RXFP1: variants seen among roughly 807,000 people sequenced by gnomAD.
RXFP1 encodes the protein relaxin family peptide receptor 1, also known as relaxin receptor 1.
RXFP1 carries 73 observed loss-of-function variants against 89.8 expected under a neutral mutation model. The observed-to-expected ratio is 0.81, with a 90% confidence interval of 0.67 to 0.99. The LOEUF is 0.99. Among genes scored for constraint, RXFP1 ranks in the 50% least tolerant of loss-of-function variants. The pLI, the probability that RXFP1 is intolerant of heterozygous loss-of-function variation, is 0.00. For missense variants in RXFP1, 793 were observed against 895.5 expected (o/e 0.89, Z 1.46); for synonymous variants, 277 against 305.5 (o/e 0.91, Z 0.97).
intron 1 of RXFP1, among the ~76,000 whole-genome samples, chr4:158,533,721 G>A (rs909906338): frequency 1.3e-5 from 2 of 152,012 alleles, no homozygotes; most frequent in African/African-American, 4.8e-5. Flanking sequence ...TCAAAATTCT[G>A]TACTCTTTCT....
intron 12 of RXFP1, among the ~76,000 whole-genome samples, chr4:158,635,513 T>C (rs1165214369): frequency 6.6e-6 from 1 of 152,184 alleles, no homozygotes; most frequent in Non-Finnish European, 1.5e-5. Flanking sequence ...GCCTTTCACT[T>C]TTTTTTCTTG....
intron 12 of RXFP1, 98 bp downstream of exon 12, chr4:158,633,574 T>C: frequency 1.4e-6 from 1 of 701,492 alleles, no homozygotes; most frequent in African/African-American, 1.8e-5. Flanking sequence ...TTTAAGTGTG[T>C]AGTTGAGTAG....
intron 1 of RXFP1, among the ~76,000 whole-genome samples, chr4:158,540,437 C>T (rs1746332671): frequency 6.6e-6 from 1 of 151,856 alleles, no homozygotes; most frequent in Admixed American, 6.6e-5. Context: ...TTATAATTAG[C>T]ATATAATGAG....
intron 17 of RXFP1, among the ~76,000 whole-genome samples, chr4:158,650,629 G>A (rs372340287): frequency 5.3e-5 from 8 of 151,858 alleles, no homozygotes; most frequent in Non-Finnish European, 1.0e-4. Context: ...ATTTAGCTGC[G>A]CCTGGTGGCA....
At chr4:158,528,277 A>G (rs1743089177) in intron 1 of RXFP1, among the ~76,000 whole-genome samples, 1 of 152,164 alleles carries the variant, frequency 6.6e-6, no homozygotes, top group Non-Finnish European at 1.5e-5. Flanking sequence ...AGGCAGGTGG[A>G]TTGCTTGAGC....
intron 1 of RXFP1, among the ~76,000 whole-genome samples, chr4:158,565,562 T>G (rs368605040): frequency 9.2e-5 from 14 of 152,102 alleles, no homozygotes; most frequent in African/African-American, 3.4e-4. Context: ...AAACATCTTG[T>G]AGTGCCAGAA....
At position 158,645,081 on chromosome 4, in the gene RXFP1, C is replaced by A. The variant is rs200071060; in HGVS notation, c.1288C>A (p.Arg430=). The change falls in exon 15 of 18, where the codon CGA becomes AGA. Residue 430 remains arginine (R), a synonymous_variant. Coordinates refer to ENST00000307765, the MANE Select transcript of RXFP1 (RefSeq NM_021634.4). Reference sequence around the variant, plus strand: ...TGGAAACATTTTTGTCATTTGCATGCGACCTTATATCAGGTCTGAGAACAA... The same window carrying A: ...TGGAAACATTTTTGTCATTTGCATGAGACCTTATATCAGGTCTGAGAACAA... ...CFGNIFVICM[R]PYIRSENKLY... 3.1e-6 allele frequency: 5 copies of A among 1,614,126 alleles called. No homozygotes were observed. In the South Asian group the frequency reaches 3.3e-5, roughly 11 times the overall value.
At chr4:158,566,896 C>A (rs1053683974) in intron 1 of RXFP1, among the ~76,000 whole-genome samples, 6 of 152,208 alleles carry the variant, frequency 3.9e-5, no homozygotes, top group African/African-American at 1.4e-4. Context: ...CCTTTCTGGG[C>A]TGGCCAAGGC....
intron 4 of RXFP1, 129 bp downstream of exon 4, chr4:158,599,560 TATA>T (rs1353551924): frequency 2.8e-6 from 2 of 716,144 alleles, no homozygotes; most frequent in South Asian, 2.4e-5. Flanking sequence ...CTGGGTCAGG[TATA>T]ATAATTACTG....
intron 16 of RXFP1, among the ~76,000 whole-genome samples, chr4:158,647,490 C>T (rs1476960017): frequency 1.3e-5 from 2 of 152,194 alleles, no homozygotes; most frequent in Admixed American, 6.5e-5. Flanking sequence ...CAACACACAT[C>T]TTTGGCTTGT....
At chr4:158,588,067 C>T (rs958487745) in intron 2 of RXFP1, among the ~76,000 whole-genome samples, 5 of 152,126 alleles carry the variant, frequency 3.3e-5, no homozygotes, top group Admixed American at 6.5e-5. Context: ...AATCTCAAAA[C>T]CTGACAGCCA....
chr4:158,589,678 C>A (rs1458774794), intron 2 of RXFP1, among the ~76,000 whole-genome samples: 1 of 152,134 alleles, frequency 6.6e-6, no homozygotes, highest in Non-Finnish European at 1.5e-5. Flanking sequence ...TTAGAGTGGT[C>A]ATATTTGACT....
intron 8 of RXFP1, 77 bp from the exon 9 acceptor site, chr4:158,617,051 GAAT>G (rs146152197): frequency 1.0e-5 from 10 of 954,160 alleles, no homozygotes; most frequent in African/African-American, 3.5e-5. Context: ...GGTTTCATAA[GAAT>G]AATAATAATA....
chr4:158,623,512 A>AAAAAAAAAAAAAAAC, intron 9 of RXFP1, among the ~76,000 whole-genome samples: 1 of 149,458 alleles, frequency 6.7e-6, no homozygotes, highest in Non-Finnish European at 1.5e-5. Flanking sequence ...CAAAAAAAAA[A>AAAAAAAAAAAAAAAC]AAAAAAAAAA....
chr4:158,647,266 G>A (rs180964458), intron 16 of RXFP1, 65 bp downstream of exon 16: 21 of 1,293,200 alleles, frequency 1.6e-5, no homozygotes, highest in Admixed American at 5.0e-5. Flanking sequence ...GTTTTTGTTA[G>A]TAAGAATGAG....
chr4:158,627,627 C>T (rs997745697), intron 10 of RXFP1, among the ~76,000 whole-genome samples: 3 of 151,748 alleles, frequency 2.0e-5, no homozygotes, highest in Non-Finnish European at 4.4e-5. Context: ...TCCTAGACTA[C>T]ACAGGACCCC....
intron 2 of RXFP1, among the ~76,000 whole-genome samples, chr4:158,580,218 G>A (rs961274545): frequency 2.6e-5 from 4 of 152,210 alleles, no homozygotes; most frequent in Admixed American, 6.5e-5. Context: ...AGGATAATGA[G>A]GAGGAGGACT....
At chr4:158,556,735 C>A (rs756994944) in intron 1 of RXFP1, among the ~76,000 whole-genome samples, 11 of 152,070 alleles carry the variant, frequency 7.2e-5, no homozygotes, top group Non-Finnish European at 1.0e-4. Flanking sequence ...TTCAGCCACA[C>A]ATATATTCAG....
intron 2 of RXFP1, among the ~76,000 whole-genome samples, chr4:158,579,732 T>G (rs569158845): frequency 6.6e-6 from 1 of 152,324 alleles, no homozygotes; most frequent in Non-Finnish European, 1.5e-5. Flanking sequence ...AGCCTTAGAA[T>G]TTAGTCTTAG....
Sources: allele counts gnomAD v4.1 joint callset (sites outside exome capture counted in the v4.1 genomes callset), GRCh38; gene constraint gnomAD v4.1.1; transcripts MANE v1.5; gene names NCBI Gene and HGNC (gene_info 2026-07-23, HGNC 2026-07-21).